Variants in TRIM16 observed in about 807,000 individuals in gnomAD.
The protein encoded by TRIM16 is tripartite motif-containing protein 16.
Under a neutral mutation model 50.4 loss-of-function variants are expected in TRIM16, and 33 were observed. That is an observed-to-expected ratio of 0.65 (90% CI 0.50 to 0.88). The LOEUF (loss-of-function observed/expected upper bound fraction) is 0.88. Ranked by LOEUF, TRIM16 falls within the 40% of genes least tolerant of loss-of-function variation. The pLI is 0.00. For missense variants in TRIM16, 581 were observed against 686.8 expected (o/e 0.85, Z 1.72); for synonymous variants, 229 against 270.7 (o/e 0.85, Z 1.51).
At chr17:15,667,836 G>A (rs960918260) in intron 6 of TRIM16, among the ~76,000 whole-genome samples, 1 of 151,618 alleles carries the variant, frequency 6.6e-6, no homozygotes, top group African/African-American at 2.4e-5. Flanking sequence ...CACAATTAAT[G>A]AACTAATATT....
intron 6 of TRIM16, among the ~76,000 whole-genome samples, chr17:15,660,948 G>A (rs981791519): frequency 3.3e-5 from 5 of 150,152 alleles, no homozygotes; most frequent in Non-Finnish European, 7.4e-5. Context: ...TATTGCCTCC[G>A]TGAGAGCAAA....
chr17:15,644,870 C>A (rs1435880290), intron 7 of TRIM16, among the ~76,000 whole-genome samples: 1 of 151,916 alleles, frequency 6.6e-6, no homozygotes, highest in Non-Finnish European at 1.5e-5. Context: ...GGCTGGAGTG[C>A]AATGGTGCAA....
At chr17:15,678,117 G>A (rs562095331) in intron 4 of TRIM16, among the ~76,000 whole-genome samples, 35 of 151,946 alleles carry the variant, frequency 2.3e-4, no homozygotes, top group Non-Finnish European at 3.8e-4. Context: ...TATTCGGGAG[G>A]CTGAAGCAGG....
At chr17:15,667,466 A>G (rs1476528809) in intron 6 of TRIM16, among the ~76,000 whole-genome samples, 1 of 152,244 alleles carries the variant, frequency 6.6e-6, no homozygotes, top group Non-Finnish European at 1.5e-5. Flanking sequence ...GTAACAAAAT[A>G]GGACTTCTGA....
Position 15,651,851 on chromosome 17 carries a change from G to T in TRIM16, c.-242C>A. 4 of 1,422,228 alleles carry T rather than the reference G, an allele frequency of 2.8e-6. No individual in the cohort carries two copies. Among genetic ancestry groups the T allele is most frequent in the Non-Finnish European group, 3.7e-6 (4 of 1,092,168 alleles). The allele number at this position is 1,422,228 out of a possible 1,614,324, so 88.1% of individuals were successfully genotyped here. A position where few individuals can be genotyped will look rare whatever the true frequency, so the allele number is the denominator to read the frequency against. ...CTCAGGACAGCCGGCTCAGGCTCAG[G>T]CTGCCTCCCCAGGTCCAGCCCTGAA... On this transcript the variant is annotated 5_prime_UTR_variant, in exon 7 of 12. Coordinates refer to ENST00000649191, the MANE Select transcript of TRIM16 (RefSeq NM_001348119.1).
At chr17:15,666,322 T>A (rs1988499435) in intron 6 of TRIM16, among the ~76,000 whole-genome samples, 2 of 152,220 alleles carry the variant, frequency 1.3e-5, no homozygotes, top group African/African-American at 4.8e-5. Context: ...TCTCAAGTGA[T>A]CCTTTTGCCT....
intron 6 of TRIM16, among the ~76,000 whole-genome samples, chr17:15,665,328 T>C (rs1158652831): frequency 6.6e-6 from 1 of 152,016 alleles, no homozygotes; most frequent in Middle Eastern, 3.4e-3. Flanking sequence ...GCTAACCCAG[T>C]GAAACCCCAT....
chr17:15,681,066 C>T lies in TRIM16; in HGVS notation c.-678-113G>A, dbSNP rs568097094. ...TGCCTCTGACCTTGGCTGTCCATAGCTTGAAGGATTTTACAGACATCTATG... is the reference window on the plus strand; with the variant it reads ...TGCCTCTGACCTTGGCTGTCCATAGTTTGAAGGATTTTACAGACATCTATG... On this transcript the variant is annotated intron_variant, in intron 3 of 11. Transcript: ENST00000649191. The T allele has an allele frequency of 9.5e-5, 96 of 1,009,764 alleles. 2 individuals carry two copies. The South Asian group carries it at 1.7e-3, about 18-fold the overall frequency. 62.6% of individuals were successfully genotyped at this position (1,009,764 alleles called of 1,614,324 possible).
At chr17:15,677,475 A>G (rs1988997495) in intron 5 of TRIM16, 100 bp downstream of exon 5, 1 of 979,856 alleles carries the variant, frequency 1.0e-6, no homozygotes, top group Non-Finnish European at 1.2e-6. Flanking sequence ...GAAAATAACC[A>G]AAGCCTCATT....
At chr17:15,676,277 C>A (rs1237310959) in intron 6 of TRIM16, among the ~76,000 whole-genome samples, 1 of 152,130 alleles carries the variant, frequency 6.6e-6, no homozygotes, top group African/African-American at 2.4e-5. Context: ...TTAAGAACCA[C>A]TGGTTTAGAC....
rs1323206743 is a variant in TRIM16, at chr17:15,628,816, A to G, written c.1494T>C (p.Tyr498=). Reference sequence around the variant, plus strand: ...AAAGGATCCCTCCCGGGAAGTCGATATAGACCCCGAGCCTCCGGAAAGGGC... The same window carrying G: ...AAAGGATCCCTCCCGGGAAGTCGATGTAGACCCCGAGCCTCCGGAAAGGGC... ...KAGPFRRLGV[Y]IDFPGGILSF... Residue 498 remains tyrosine, a synonymous_variant, in exon 12 of 12, where the codon TAT becomes TAC. Transcript: ENST00000649191. 1.2e-6 allele frequency: 2 copies of G among 1,614,094 alleles called. No individual in the cohort carries two copies. The highest frequency in any genetic ancestry group is 1.7e-6 in the Non-Finnish European group (2 of 1,180,034).
At chr17:15,637,190 T>C (rs1473696406) in intron 8 of TRIM16, among the ~76,000 whole-genome samples, 63 of 92,456 alleles carry the variant, frequency 6.8e-4, no homozygotes, top group African/African-American at 2.6e-3. Flanking sequence ...GCCCCCCGCC[T>C]GGCCAGCCGT....
At chr17:15,661,496 G>A (rs73272127) in intron 6 of TRIM16, among the ~76,000 whole-genome samples, 3,587 of 152,212 alleles carry the variant, frequency 0.024, 140 homozygotes, top group African/African-American at 0.082. Flanking sequence ...CAAGGGTCTC[G>A]GATCTGCCCA....
At chr17:15,650,053 G>T (rs778253383) in intron 7 of TRIM16, among the ~76,000 whole-genome samples, 3 of 152,176 alleles carry the variant, frequency 2.0e-5, no homozygotes, top group Non-Finnish European at 2.9e-5. Flanking sequence ...GAATACAGAG[G>T]TTTCCAGAAC....
chr17:15,634,550 G>GA (rs1318646076), intron 9 of TRIM16, among the ~76,000 whole-genome samples: 1 of 145,206 alleles, frequency 6.9e-6, no homozygotes, highest in Non-Finnish European at 1.5e-5. Flanking sequence ...AGAATCGCTT[G>GA]AACCCGGGAG....
At position 15,634,058 on chromosome 17, in the gene TRIM16, G is replaced by A. The variant is rs1465436110; in HGVS notation, c.850-1384C>T. 4.5e-5 allele frequency among the ~76,000 whole-genome samples: 6 copies of A among 133,358 alleles called. 1 individual carries two copies. In the South Asian group the frequency reaches 1.3e-3, roughly 28 times the overall value. The allele number at this position is 133,358 out of a possible 152,430, so 87.5% of individuals were successfully genotyped here. On this transcript the variant is annotated intron_variant, in intron 9 of 11. Transcript: ENST00000649191. ...AAATAAAAAAAATTTGGCCAGGCAC[G>A]GTGGCTCATGCCTGTAATCCCAGCA... is the stretch of plus-strand genomic sequence containing the variant.
At chr17:15,637,620 T>TC (rs1567672041) in intron 8 of TRIM16, among the ~76,000 whole-genome samples, 13 of 28,510 alleles carry the variant, frequency 4.6e-4, no homozygotes, top group African/African-American at 2.8e-3. Context: ...GGGAGGGAGG[T>TC]GGGGGGGGGT....
chr17:15,655,996 C>T (rs1987962267), intron 6 of TRIM16, among the ~76,000 whole-genome samples: 1 of 152,154 alleles, frequency 6.6e-6, no homozygotes, highest in Admixed American at 6.5e-5. Flanking sequence ...GGTCTAAGTG[C>T]ATGTCCGAGC....
At chr17:15,656,514 C>T (rs1387330411) in intron 6 of TRIM16, among the ~76,000 whole-genome samples, 1 of 152,082 alleles carries the variant, frequency 6.6e-6, no homozygotes, top group East Asian at 1.9e-4. Context: ...TCCTCAGCCC[C>T]CATCACAACA....
Sources: allele counts gnomAD v4.1 joint callset (sites outside exome capture counted in the v4.1 genomes callset), GRCh38; gene constraint gnomAD v4.1.1; transcripts MANE v1.5; gene names NCBI Gene and HGNC (gene_info 2026-07-23, HGNC 2026-07-21).